Variants in CCDC39 observed in about 807,000 individuals in gnomAD.
CCDC39 encodes coiled-coil domain-containing protein 39.
A neutral mutation model predicts 121.0 loss-of-function variants in CCDC39; 113 were observed. That is an observed-to-expected ratio of 0.93 (90% CI 0.80 to 1.09). The LOEUF (loss-of-function observed/expected upper bound fraction) is 1.09, where lower values mean the gene tolerates loss of function less well. Among genes scored for constraint, CCDC39 ranks in the 50% least tolerant of loss-of-function variants. The pLI, the probability that CCDC39 is intolerant of heterozygous loss-of-function variation, is 0.00. For synonymous variants in CCDC39, 349 were observed against 352.2 expected (o/e 0.99, Z 0.10); for missense variants, 1,063 against 1,074.7 (o/e 0.99, Z 0.15).
intron 14 of CCDC39, among the ~76,000 whole-genome samples, chr3:180,626,212 C>A (rs1215275398): frequency 6.6e-6 from 1 of 152,084 alleles, no homozygotes; most frequent in African/African-American, 2.4e-5. Flanking sequence ...ATTGCCCCAA[C>A]TTCAGACTCT....
chr3:180,664,014 C>A (rs900748717), intron 1 of CCDC39, 28 bp from the exon 2 acceptor site: 2 of 1,592,016 alleles, frequency 1.3e-6, no homozygotes, highest in East Asian at 4.5e-5. Context: ...TATGATTAAC[C>A]AAAGTCCTAT....
Position 180,616,309 on chromosome 3 carries a change from A to ATC in CCDC39, c.2639_2640dup (p.Ser881AspfsTer38). On this transcript the variant is annotated frameshift_variant, in exon 19 of 20. Transcript: ENST00000476379. LOFTEE classifies it low-confidence loss of function (END_TRUNC). ...GCTGATAGTGAAGTATGTGAAGGAG[A>ATC]TCTAGAGCTCTGACGACTGCCTTTT... 1 of 1,613,352 alleles carries ATC rather than the reference A, an allele frequency of 6.2e-7. No individual in the cohort carries two copies. The highest frequency in any genetic ancestry group is 1.1e-5 in the South Asian group (1 of 91,068).
At chr3:180,653,764 TC>T (rs1444715694) in intron 7 of CCDC39, among the ~76,000 whole-genome samples, 1 of 152,138 alleles carries the variant, frequency 6.6e-6, no homozygotes, top group Non-Finnish European at 1.5e-5. Flanking sequence ...GGTTCCAGGA[TC>T]CCTCGCAGAT....
intron 13 of CCDC39, among the ~76,000 whole-genome samples, chr3:180,638,444 G>C (rs975406710): frequency 2.0e-5 from 3 of 151,928 alleles, no homozygotes; most frequent in Admixed American, 2.0e-4. Flanking sequence ...AAAATGAAAT[G>C]AAATCCAAGA....
At chr3:180,632,039 A>C (rs2108413405) in intron 13 of CCDC39, among the ~76,000 whole-genome samples, 1 of 152,304 alleles carries the variant, frequency 6.6e-6, no homozygotes, top group Middle Eastern at 3.4e-3. Context: ...GAAGGGGCTC[A>C]AGTGGATGCT....
At chr3:180,664,485 C>T (rs1438708678) in intron 1 of CCDC39, among the ~76,000 whole-genome samples, 1 of 152,132 alleles carries the variant, frequency 6.6e-6, no homozygotes, top group Non-Finnish European at 1.5e-5. Context: ...TCCACATGAA[C>T]TTCTAAAATC....
intron 1 of CCDC39, among the ~76,000 whole-genome samples, chr3:180,666,839 C>T (rs1020194384): frequency 6.6e-6 from 1 of 151,668 alleles, no homozygotes; most frequent in African/African-American, 2.4e-5. Flanking sequence ...TAATTCAGGA[C>T]AAAAAAGACA....
intron 4 of CCDC39, among the ~76,000 whole-genome samples, 167 bp downstream of exon 4, chr3:180,660,402 AT>A (rs1199987332): frequency 6.6e-6 from 1 of 152,040 alleles, no homozygotes; most frequent in Non-Finnish European, 1.5e-5. Context: ...GAATATAGTC[AT>A]TTTTTCTACA....
rs528863074 is a variant in CCDC39 at position 180,616,616 on chromosome 3, C to T, written c.2486G>A (p.Arg829His). ...ETMEEQDIKL[R>H]EMKQFHKVID... Reference sequence around the variant, plus strand: ...AACTTTGTGAAACTGTTTCATTTCACGAAGTTTGATGTCTTGTTCTTCCAT... The same window carrying T: ...AACTTTGTGAAACTGTTTCATTTCATGAAGTTTGATGTCTTGTTCTTCCAT... The change falls in exon 18 of 20, where the codon CGT (arginine) becomes CAT (histidine). Residue 829 changes from arginine to histidine, a missense_variant. Arg to His is a conservative substitution (Grantham distance 29, BLOSUM62 0). Coordinates refer to ENST00000476379, the MANE Select transcript of CCDC39 (RefSeq NM_181426.2). 22 of 1,595,622 alleles carry T rather than the reference C, an allele frequency of 1.4e-5. No homozygotes were observed. The highest frequency in any genetic ancestry group is 1.7e-4 in the Middle Eastern group (1 of 6,018).
intron 2 of CCDC39, among the ~76,000 whole-genome samples, chr3:180,663,656 C>T (rs1272691133): frequency 2.0e-5 from 3 of 147,038 alleles, no homozygotes; most frequent in East Asian, 2.0e-4. Flanking sequence ...GGAAACAGAG[C>T]GAGACTTCAT....
chr3:180,648,052 T>A, intron 10 of CCDC39, 113 bp downstream of exon 10: 1 of 805,666 alleles, frequency 1.2e-6, no homozygotes, highest in Non-Finnish European at 2.0e-6. Context: ...TCAGCATCTG[T>A]CTGTCCTCCA....
chr3:180,617,100 T>G (rs1717276024), intron 16 of CCDC39, 134 bp from the exon 17 acceptor site: 2 of 577,966 alleles, frequency 3.5e-6, no homozygotes, highest in South Asian at 5.4e-5. Context: ...TTGATGTACC[T>G]CTTAATGACA....
In CCDC39 at chr3:180,615,066, C is replaced by T. The variant is rs1302714959; in HGVS notation, c.2681G>A (p.Ser894Asn). The T allele has an allele frequency of 1.3e-6, 2 of 1,537,048 alleles. No homozygotes were observed. Among genetic ancestry groups the T allele is most frequent in the African/African-American group, 1.4e-5 (1 of 72,324 alleles). The change falls in exon 20 of 20, where the codon AGT (serine) becomes AAT (asparagine). Residue 894 changes from serine to asparagine, a missense_variant. Physicochemically the swap from Ser to Asn is conservative, Grantham distance 46. Transcript: ENST00000476379. ...AGACTGAGAAGTAGATGTACTTGTA[C>T]TCCTAGATGACCTAGAAGAAAAACC... ...HTSLSARSSR[S>N]TSTSTSQSSI...
intron 13 of CCDC39, among the ~76,000 whole-genome samples, chr3:180,640,613 ATAC>A (rs1250258074): frequency 6.6e-6 from 1 of 152,110 alleles, no homozygotes; most frequent in Non-Finnish European, 1.5e-5. Context: ...ATCTCTAAAA[ATAC>A]TACAACTATT....
chr3:180,669,818 T>C (rs1332996993), intron 1 of CCDC39, among the ~76,000 whole-genome samples: 1 of 152,206 alleles, frequency 6.6e-6, no homozygotes, highest in South Asian at 2.1e-4. Flanking sequence ...CCAGTATCTA[T>C]AAAAATTTTT....
At chr3:180,678,633 T>C (rs888088017) in intron 1 of CCDC39, among the ~76,000 whole-genome samples, 1 of 151,782 alleles carries the variant, frequency 6.6e-6, no homozygotes, top group Admixed American at 6.6e-5. Flanking sequence ...GGATTACAGG[T>C]GTGAGCCACT....
intron 3 of CCDC39, 132 bp downstream of exon 3, chr3:180,661,728 CA>C: frequency 2.7e-6 from 2 of 742,312 alleles, no homozygotes; most frequent in Admixed American, 3.0e-5. Flanking sequence ...TTTCACTGTC[CA>C]AAAAATACGT....
chr3:180,679,384 T>C lies in CCDC39; in HGVS notation c.-4A>G, dbSNP rs1364035824. ...CAGCCAGGAATTCGCTACTCATGAC[T>C]GCAAACGGATAGAGAAGATACAGAG... is the stretch of plus-strand genomic sequence containing the variant. On this transcript the variant is annotated 5_prime_UTR_variant, in exon 1 of 20. Transcript: ENST00000476379. The surrounding 1 kb of genome is among the most constrained non-coding windows in gnomAD (Gnocchi z 4.0). The C allele has an allele frequency of 1.9e-6, 3 of 1,613,048 alleles. No homozygotes were observed. The highest frequency in any genetic ancestry group is 1.7e-4 in the Middle Eastern group (1 of 6,054).
chr3:180,645,875 G>T (rs563680646), intron 11 of CCDC39, among the ~76,000 whole-genome samples: 3 of 152,232 alleles, frequency 2.0e-5, no homozygotes, highest in Non-Finnish European at 2.9e-5. Flanking sequence ...AGCAGTCAGA[G>T]TAGTTCAAAG....
Sources: gnomAD v4.1 joint callset for allele counts (sites outside exome capture counted in the v4.1 genomes callset) on GRCh38, gnomAD v4.1.1 for gene constraint, Gnocchi (gnomAD v3.1) non-coding constraint, MANE v1.5 for transcripts, NCBI Gene and HGNC (gene_info 2026-07-23, HGNC 2026-07-21) for gene names.